The following SLTM variants were observed in gnomAD, a reference collection of about 807,000 sequenced individuals.
SLTM encodes the protein SAFB like transcription modulator.
In SLTM, 43 loss-of-function variants were observed where a neutral mutation model predicts 134.6. That is an observed-to-expected ratio of 0.32 (90% confidence interval 0.25 to 0.41). The LOEUF (loss-of-function observed/expected upper bound fraction) is 0.41. Ranked by LOEUF, SLTM falls within the 10% of genes least tolerant of loss-of-function variation. The pLI is 1.00. For missense variants in SLTM, 1,055 were observed against 1,288.8 expected (o/e 0.82, Z 2.78); for synonymous variants, 424 against 432.3 (o/e 0.98, Z 0.24).
At chr15:58,909,967 A>G (rs2036142684) in intron 5 of SLTM, among the ~76,000 whole-genome samples, 1 of 152,198 alleles carries the variant, frequency 6.6e-6, no homozygotes, top group Non-Finnish European at 1.5e-5. Flanking sequence ...CTCCTAAAAC[A>G]TTTCAATCAA....
chr15:58,897,909 A>C (rs1227001330), intron 8 of SLTM: 1 of 152,144 alleles, frequency 6.6e-6, no homozygotes. Context: ...ATATGTATAG[A>C]GGCCATATCT....
intron 2 of SLTM, among the ~76,000 whole-genome samples, chr15:58,923,799 CTTTTTTTT>C (rs34100406): frequency 7.2e-5 from 5 of 69,588 alleles, no homozygotes; most frequent in East Asian, 1.0e-3. Context: ...GAAGCCAAAC[CTTTTTTTT>C]TTTTTTTTTT....
intron 9 of SLTM, 148 bp downstream of exon 9, chr15:58,896,967 C>T (rs1225574481): frequency 1.9e-6 from 1 of 538,516 alleles, no homozygotes; most frequent in Non-Finnish European, 3.4e-6. Context: ...TCTCATCTAC[C>T]ATTACCACAG....
At chr15:58,911,154 T>C (rs999462034) in intron 5 of SLTM, among the ~76,000 whole-genome samples, 24 of 152,156 alleles carry the variant, frequency 1.6e-4, no homozygotes, top group Non-Finnish European at 3.1e-4. Flanking sequence ...GCAACATTTC[T>C]CCCAGAAATG....
intron 20 of SLTM, among the ~76,000 whole-genome samples, chr15:58,882,327 T>C (rs1435625742): frequency 6.6e-6 from 1 of 151,864 alleles, no homozygotes; most frequent in African/African-American, 2.4e-5. Context: ...ACACAAAGGT[T>C]TGAAAAAGGA....
At chr15:58,920,627 TAATAAATAAATA>T (rs71119418) in intron 2 of SLTM, among the ~76,000 whole-genome samples, 405 of 139,714 alleles carry the variant, frequency 2.9e-3, no homozygotes, top group African/African-American at 9.3e-3. Context: ...CATCTCAAAA[TAATAAATAAATA>T]AATAAATAAA....
At chr15:58,896,455 T>C (rs1419362996) in intron 9 of SLTM, among the ~76,000 whole-genome samples, 1 of 151,938 alleles carries the variant, frequency 6.6e-6, no homozygotes, top group African/African-American at 2.4e-5. Context: ...AGTTACTAGG[T>C]AGGCTTGAGG....
At chr15:58,897,922 G>A (rs1468207387) in intron 8 of SLTM, 7 of 151,972 alleles carry the variant, frequency 4.6e-5, no homozygotes, top group African/African-American at 1.7e-4. Context: ...CCATATCTTA[G>A]GATACAGGCC....
At chr15:58,912,033 G>A (rs2036307358) in intron 5 of SLTM, among the ~76,000 whole-genome samples, 1 of 151,354 alleles carries the variant, frequency 6.6e-6, no homozygotes, top group African/African-American at 2.4e-5. Context: ...CTAAAACTCT[G>A]AAAATGACAG....
chr15:58,891,147 G>T (rs1035697082), intron 14 of SLTM, among the ~76,000 whole-genome samples: 1 of 152,120 alleles, frequency 6.6e-6, no homozygotes, highest in Admixed American at 6.6e-5. Context: ...TAACCCAGTG[G>T]TTCTCAATGG....
intron 17 of SLTM, 81 bp from the exon 18 acceptor site, chr15:58,887,621 C>A: frequency 6.6e-7 from 1 of 1,514,654 alleles, no homozygotes; most frequent in South Asian, 1.4e-5. Flanking sequence ...TCTGCATAAC[C>A]TACAATAATG....
Position 58,903,305 on chromosome 15 carries a change from G to T in SLTM, c.562-2018C>A. On this transcript the variant is annotated intron_variant, in intron 5 of 20. Coordinates refer to ENST00000380516, the MANE Select transcript of SLTM (RefSeq NM_024755.4). ...CCACCTCGGCCTCCCAAAGTGCTGG[G>T]ATTACAGGCATGGGCCAGCGTGCCT... Among the ~76,000 whole-genome samples, 2 of 152,188 alleles carry T rather than the reference G, an allele frequency of 1.3e-5. 1 individual carries two copies. The highest frequency in any genetic ancestry group is 2.9e-5 in the Non-Finnish European group (2 of 68,042).
intron 5 of SLTM, among the ~76,000 whole-genome samples, chr15:58,909,115 G>C (rs1055676699): frequency 1.8e-4 from 27 of 152,100 alleles, no homozygotes; most frequent in Non-Finnish European, 7.4e-5. Flanking sequence ...CCACTATAAA[G>C]AAGAAATGCC....
intron 4 of SLTM, 77 bp downstream of exon 4, chr15:58,913,422 G>T: frequency 8.2e-7 from 1 of 1,214,620 alleles, no homozygotes; most frequent in Non-Finnish European, 1.1e-6. Context: ...CTTCCAAATT[G>T]AACTAGAAAA....
At chr15:58,923,915 A>T (rs1169251301) in intron 2 of SLTM, among the ~76,000 whole-genome samples, 1 of 147,740 alleles carries the variant, frequency 6.8e-6, no homozygotes. Flanking sequence ...TCCGAGTTCA[A>T]GCAATTCTCC....
rs1283536261 is a variant in SLTM, at chr15:58,883,881, T to A, written c.2836-95A>T. ...GGGAGGCTGAGGCAGGCGGATCACC[T>A]GAGGTCAGGAGTTCGAGACCAGCCT... On this transcript the variant is annotated intron_variant, in intron 19 of 20. Coordinates refer to ENST00000380516, the MANE Select transcript of SLTM (RefSeq NM_024755.4). 9 of 1,392,068 alleles carry A rather than the reference T, an allele frequency of 6.5e-6. No individual in the cohort carries two copies. In the African/African-American group the frequency reaches 1.1e-4, roughly 18 times the overall value. The allele number at this position is 1,392,068 out of a possible 1,614,324, so 86.2% of individuals were successfully genotyped here. A position where few individuals can be genotyped will look rare whatever the true frequency, so the allele number is the denominator to read the frequency against.
chr15:58,891,706 C>T (rs938392603), intron 14 of SLTM, among the ~76,000 whole-genome samples: 13 of 152,180 alleles, frequency 8.5e-5, no homozygotes, highest in African/African-American at 3.1e-4. Flanking sequence ...CCTAAACCTT[C>T]ATATCTGGAA....
In SLTM at chr15:58,899,696, A is replaced by G. The variant is rs2035338541; in HGVS notation, c.831T>C (p.Ser277=). ...TGGCGTCCTGCCCATCTTTTGGCTTACTTGCTTCAGAATCTGTAATTTTCA... is the reference window on the plus strand; with the variant it reads ...TGGCGTCCTGCCCATCTTTTGGCTTGCTTGCTTCAGAATCTGTAATTTTCA... ...KNVKITDSEA[S]KPKDGQDAIA... The change falls in exon 7 of 21, where the codon AGT becomes AGC. Residue 277 remains serine, a synonymous_variant. Coordinates refer to ENST00000380516, the MANE Select transcript of SLTM (RefSeq NM_024755.4). The surrounding 1 kb of genome is among the most constrained non-coding windows in gnomAD (Gnocchi z 5.0). The G allele has an allele frequency of 6.2e-7, 1 of 1,614,096 alleles. No individual in the cohort carries two copies. Among genetic ancestry groups the G allele is most frequent in the Non-Finnish European group, 8.5e-7 (1 of 1,179,994 alleles).
At chr15:58,930,220 T>TCAGCCTCCC (rs1301801838) in intron 2 of SLTM, among the ~76,000 whole-genome samples, 4 of 151,562 alleles carry the variant, frequency 2.6e-5, no homozygotes, top group Non-Finnish European at 4.4e-5. Flanking sequence ...TTCTCCTGTC[T>TCAGCCTCCC]CAGCCTCCCC....
Sources: gnomAD v4.1 joint callset for allele counts (sites outside exome capture counted in the v4.1 genomes callset) on GRCh38, gnomAD v4.1.1 for gene constraint, Gnocchi (gnomAD v3.1) non-coding constraint, MANE v1.5 for transcripts, NCBI Gene and HGNC (gene_info 2026-07-23, HGNC 2026-07-21) for gene names.